The following CDH20 variants were observed in gnomAD, a reference collection of about 807,000 sequenced individuals.
CDH20 encodes the protein cadherin-20.
CDH20 carries 29 observed loss-of-function variants against 74.2 expected under a neutral mutation model. The observed-to-expected ratio is 0.39, with a 90% CI of 0.29 to 0.53. The LOEUF (loss-of-function observed/expected upper bound fraction) is 0.53, where lower values mean the gene tolerates loss of function less well. CDH20 is among the 20% of genes least tolerant of loss of function. The pLI is 0.69. For missense variants in CDH20, 988 were observed against 1,048.3 expected (o/e 0.94, Z 0.79); for synonymous variants, 469 against 405.4 (o/e 1.16, Z -1.88).
intron 1 of CDH20, among the ~76,000 whole-genome samples, chr18:61,347,321 C>CT (rs1910156476): frequency 3.8e-5 from 1 of 26,436 alleles, no homozygotes; most frequent in East Asian, 7.2e-4. Context: ...TATATATATA[C>CT]ACACACACAC....
chr18:61,474,616 C>A (rs1910301749), intron 1 of CDH20, among the ~76,000 whole-genome samples: 1 of 152,148 alleles, frequency 6.6e-6, no homozygotes, highest in Admixed American at 6.5e-5. Flanking sequence ...TGTTATATTG[C>A]TGAATCGTTG....
intron 11 of CDH20, 149 bp downstream of exon 11, chr18:61,550,378 G>A: frequency 1.1e-6 from 1 of 950,550 alleles, no homozygotes; most frequent in East Asian, 2.6e-5. Context: ...ACAAAAAACA[G>A]TAAAGAAATT....
At chr18:61,530,061 G>A (rs914546346) in intron 7 of CDH20, among the ~76,000 whole-genome samples, 2 of 152,282 alleles carry the variant, frequency 1.3e-5, no homozygotes, top group Non-Finnish European at 2.9e-5. Context: ...CAAGGCCAGA[G>A]GTAATAAGAC....
chr18:61,530,730 T>G (rs1322645938), intron 7 of CDH20, among the ~76,000 whole-genome samples: 1 of 152,208 alleles, frequency 6.6e-6, no homozygotes, highest in Non-Finnish European at 1.5e-5. Flanking sequence ...TAATACATGC[T>G]CAAGGACTTT....
intron 5 of CDH20, among the ~76,000 whole-genome samples, chr18:61,504,811 T>C (rs1288059876): frequency 6.6e-6 from 1 of 152,108 alleles, no homozygotes; most frequent in African/African-American, 2.4e-5. Flanking sequence ...CTTGTATCTA[T>C]GTAAACACAG....
intron 1 of CDH20, among the ~76,000 whole-genome samples, chr18:61,409,063 C>A (rs1912416080): frequency 6.6e-6 from 1 of 152,208 alleles, no homozygotes; most frequent in Non-Finnish European, 1.5e-5. Context: ...TTACAACTTA[C>A]CCCTTCCAGG....
At chr18:61,420,928 G>A (rs1310452767) in intron 1 of CDH20, among the ~76,000 whole-genome samples, 2 of 152,132 alleles carry the variant, frequency 1.3e-5, no homozygotes, top group African/African-American at 4.8e-5. Flanking sequence ...TGGCGTGCCT[G>A]TAATCCCAGC....
At chr18:61,441,662 G>A (rs1909037763) in intron 1 of CDH20, among the ~76,000 whole-genome samples, 1 of 152,204 alleles carries the variant, frequency 6.6e-6, no homozygotes, top group Non-Finnish European at 1.5e-5. Context: ...TTAAGTATTT[G>A]ATAGTACTCA....
chr18:61,483,740 G>A (rs894365292), intron 1 of CDH20, among the ~76,000 whole-genome samples: 1 of 152,148 alleles, frequency 6.6e-6, no homozygotes, highest in Non-Finnish European at 1.5e-5. Context: ...TCTCTCAAAT[G>A]TCTAAGAGTT....
chr18:61,490,076 A>G lies in CDH20; in HGVS notation c.-152-326A>G, dbSNP rs569616143. Among the ~76,000 whole-genome samples, 11 of 152,316 alleles carry G rather than the reference A, an allele frequency of 7.2e-5. No individual in the cohort carries two copies. The East Asian group carries it at 2.1e-3, about 30-fold the overall frequency. ...AGTTTAAGAGCCTGTCTGATCATAA[A>G]TATTTCAAAGAGCACACTATTAATT... On this transcript the variant is annotated intron_variant, in intron 1 of 11. Coordinates refer to ENST00000262717, the MANE Select transcript of CDH20 (RefSeq NM_031891.4).
chr18:61,538,186 C>T (rs899222169), intron 8 of CDH20, among the ~76,000 whole-genome samples: 3 of 152,162 alleles, frequency 2.0e-5, no homozygotes, highest in Admixed American at 1.3e-4. Context: ...GTGAATAACT[C>T]GAAACCTTTG....
chr18:61,447,040 G>A (rs1909225709), intron 1 of CDH20, among the ~76,000 whole-genome samples: 1 of 152,224 alleles, frequency 6.6e-6, no homozygotes, highest in Admixed American at 6.5e-5. Flanking sequence ...TCAAGGGGAA[G>A]AGTTTTCTCT....
chr18:61,421,546 CAAATAT>C (rs1169810272), intron 1 of CDH20, among the ~76,000 whole-genome samples: 1 of 152,042 alleles, frequency 6.6e-6, no homozygotes, highest in Non-Finnish European at 1.5e-5. Context: ...GGGTCTCTTA[CAAATAT>C]AAACTATCAC....
chr18:61,393,332 C>T (rs1397174776), intron 1 of CDH20, among the ~76,000 whole-genome samples: 6 of 152,186 alleles, frequency 3.9e-5, no homozygotes, highest in Admixed American at 3.9e-4. Flanking sequence ...TTGCTTCCCA[C>T]AGTTATCAAG....
intron 2 of CDH20, among the ~76,000 whole-genome samples, chr18:61,492,066 T>C (rs1187677593): frequency 6.6e-6 from 1 of 152,136 alleles, no homozygotes. Flanking sequence ...CTTAGACCAC[T>C]TTGGGTTATA....
chr18:61,363,716 G>A (rs1314852517), intron 1 of CDH20, among the ~76,000 whole-genome samples: 1 of 152,068 alleles, frequency 6.6e-6, no homozygotes, highest in Admixed American at 6.6e-5. Flanking sequence ...TTATGAAGAA[G>A]GTCTATAAAA....
intron 1 of CDH20, among the ~76,000 whole-genome samples, chr18:61,384,516 C>T (rs1356318940): frequency 6.6e-6 from 1 of 152,128 alleles, no homozygotes; most frequent in Non-Finnish European, 1.5e-5. Flanking sequence ...AAAACCTAAA[C>T]AAAAAGGTTG....
At chr18:61,552,899 A>G (rs537067038) in intron 11 of CDH20, among the ~76,000 whole-genome samples, 3 of 152,286 alleles carry the variant, frequency 2.0e-5, no homozygotes, top group African/African-American at 7.2e-5. Context: ...GCTCGATTCA[A>G]GCCCACGCTT....
chr18:61,401,360 A>G (rs185378799), intron 1 of CDH20, among the ~76,000 whole-genome samples: 1 of 152,324 alleles, frequency 6.6e-6, no homozygotes, highest in Admixed American at 6.5e-5. Context: ...GCGTTATGTT[A>G]CAGGCACTAT....
Sources: allele counts gnomAD v4.1 joint callset (sites outside exome capture counted in the v4.1 genomes callset), GRCh38; gene constraint gnomAD v4.1.1; transcripts MANE v1.5; gene names NCBI Gene and HGNC (gene_info 2026-07-23, HGNC 2026-07-21).